Variants in RASAL2 observed in about 807,000 individuals in gnomAD.
RASAL2 encodes the protein RAS protein activator like 2, also known as ras GTPase-activating protein nGAP.
Under a neutral mutation model 128.9 loss-of-function variants are expected in RASAL2, and 58 were observed. The ratio of observed to expected loss-of-function variants is 0.45; its 90% CI spans 0.36 to 0.56. RASAL2 has a LOEUF of 0.56. Among genes scored for constraint, RASAL2 ranks in the 20% least tolerant of loss-of-function variants. The pLI is 0.00. For missense variants in RASAL2, 1,360 were observed against 1,601.6 expected, an observed-to-expected ratio of 0.85 and a Z score of 2.57; for synonymous variants, 561 against 580.8, an observed-to-expected ratio of 0.97 and a Z score of 0.49.
intron 3 of RASAL2, among the ~76,000 whole-genome samples, chr1:178,309,241 T>C (rs536941750): frequency 3.9e-4 from 60 of 152,262 alleles, no homozygotes; most frequent in South Asian, 8.3e-4. Context: ...CTGATTTTCT[T>C]TGAAATTTCC....
chr1:178,318,827 C>G lies in RASAL2; in HGVS notation c.457+18709C>G, dbSNP rs1054735066. Among the ~76,000 whole-genome samples the G allele has an allele frequency of 4.0e-5, 6 of 151,518 alleles. No homozygotes were observed. The East Asian group carries it at 1.2e-3, about 29-fold the overall frequency. On this transcript the variant is annotated intron_variant, in intron 3 of 17. Coordinates refer to ENST00000367649, the MANE Select transcript of RASAL2 (RefSeq NM_170692.4). ...TAATATTGTTATGTGTGAATTTGAT[C>G]CTGTCATTATGATGTTAGCTGGTGA...
intron 3 of RASAL2, among the ~76,000 whole-genome samples, chr1:178,366,776 C>T (rs968096326): frequency 6.6e-6 from 1 of 151,954 alleles, no homozygotes; most frequent in Non-Finnish European, 1.5e-5. Context: ...ATGAAGTACT[C>T]GCTAAAACAT....
intron 4 of RASAL2, among the ~76,000 whole-genome samples, chr1:178,409,919 G>C (rs1674251006): frequency 6.6e-6 from 1 of 152,196 alleles, no homozygotes; most frequent in Admixed American, 6.5e-5. Flanking sequence ...TGAATTTGTT[G>C]TGGTTTCATC....
chr1:178,163,966 G>A (rs1661425565), intron 1 of RASAL2, among the ~76,000 whole-genome samples: 1 of 152,052 alleles, frequency 6.6e-6, no homozygotes, highest in African/African-American at 2.4e-5. Context: ...CAGGATACAA[G>A]TCTTTCACTT....
intron 9 of RASAL2, 41 bp downstream of exon 9, chr1:178,445,703 T>C (rs747754561): frequency 1.7e-5 from 27 of 1,565,492 alleles, no homozygotes; most frequent in Admixed American, 3.7e-5. Context: ...TATTTACTTT[T>C]CAGTTTTAAG....
chr1:178,101,985 A>T (rs758379885), intron 1 of RASAL2, among the ~76,000 whole-genome samples: 1 of 152,114 alleles, frequency 6.6e-6, no homozygotes. Flanking sequence ...AAATAATTTC[A>T]TAGTAATCCT....
rs543799929 is a variant in RASAL2 at position 178,103,575 on chromosome 1, AT to A, written c.202+8889del. On this transcript the variant is annotated intron_variant, in intron 1 of 17. Transcript: ENST00000367649. The stretch of plus-strand genomic sequence containing the variant: ...AAGGTAAAAATGGTGTCTTAATTTA[AT>A]TTTTTTTAATATCTTTTACATTAAG... Among the ~76,000 whole-genome samples the A allele has an allele frequency of 2.5e-3, 386 of 151,964 alleles. 2 individuals carry two copies. The highest frequency in any genetic ancestry group is 8.0e-3 in the African/African-American group (333 of 41,460).
chr1:178,159,895 ACT>A (rs1450265188), intron 1 of RASAL2, among the ~76,000 whole-genome samples: 5 of 152,068 alleles, frequency 3.3e-5, no homozygotes, highest in African/African-American at 4.8e-5. Flanking sequence ...ACAGAGCAAG[ACT>A]CTGTCTAAAA....
chr1:178,150,389 T>C (rs1254369266), intron 1 of RASAL2, among the ~76,000 whole-genome samples: 11 of 152,162 alleles, frequency 7.2e-5, no homozygotes, highest in Non-Finnish European at 1.3e-4. Context: ...TTTTGCCATG[T>C]TGGGCAGGCT....
rs765638263 is a variant in RASAL2 at position 178,300,091 on chromosome 1, T to C, written c.430T>C (p.Tyr144His). Reference protein sequence around the residue: ...SVPSEGQFPEYPPEGATKLEV... With the variant: ...SVPSEGQFPEHPPEGATKLEV... Reference sequence around the variant, plus strand: ...CCCTTCCGAGGGTCAGTTTCCCGAGTACCCACCAGAGGGCGCCACTAAACT... The same window carrying C: ...CCCTTCCGAGGGTCAGTTTCCCGAGCACCCACCAGAGGGCGCCACTAAACT... Residue 144 changes from tyrosine (Y) to histidine (H), a missense_variant, in exon 3 of 18, where the codon TAC (tyrosine) becomes CAC (histidine). Tyr to His is a moderately conservative substitution (Grantham distance 83). Transcript: ENST00000367649. The C allele has an allele frequency of 1.2e-6, 2 of 1,613,472 alleles. No homozygotes were observed. Among genetic ancestry groups the C allele is most frequent in the Non-Finnish European group, 1.7e-6 (2 of 1,179,830 alleles).
At chr1:178,389,135 G>A (rs906384101) in intron 3 of RASAL2, 4 of 255,060 alleles carry the variant, frequency 1.6e-5, no homozygotes, top group African/African-American at 2.3e-5. Context: ...GTCAGTCTCC[G>A]GAGTTACGAT....
chr1:178,202,268 A>G (rs1662898976), intron 1 of RASAL2, among the ~76,000 whole-genome samples: 1 of 152,182 alleles, frequency 6.6e-6, no homozygotes, highest in African/African-American at 2.4e-5. Flanking sequence ...TACATGAGGA[A>G]GTGGCTCAAA....
At chr1:178,273,885 C>G (rs574370259) in intron 1 of RASAL2, among the ~76,000 whole-genome samples, 1 of 152,302 alleles carries the variant, frequency 6.6e-6, no homozygotes, top group Non-Finnish European at 1.5e-5. Flanking sequence ...AAAGGTTTTT[C>G]ACTGCTGATA....
At chr1:178,147,471 C>T (rs1660770845) in intron 1 of RASAL2, among the ~76,000 whole-genome samples, 1 of 136,290 alleles carries the variant, frequency 7.3e-6, no homozygotes, top group African/African-American at 3.0e-5. Flanking sequence ...CAGAGTGAGA[C>T]TCCGTCTCAA....
intron 5 of RASAL2, among the ~76,000 whole-genome samples, chr1:178,436,647 G>A (rs1053122281): frequency 1.8e-4 from 28 of 152,112 alleles, no homozygotes; most frequent in African/African-American, 6.5e-4. Flanking sequence ...TGAGATATAG[G>A]AAATAGCTTC....
At chr1:178,137,343 G>A (rs920581924) in intron 1 of RASAL2, among the ~76,000 whole-genome samples, 5 of 152,104 alleles carry the variant, frequency 3.3e-5, no homozygotes, top group Non-Finnish European at 7.3e-5. Context: ...GCTTCTGCTC[G>A]CAGAATTGAA....
At chr1:178,411,096 A>G (rs1195244473) in intron 4 of RASAL2, among the ~76,000 whole-genome samples, 1 of 152,142 alleles carries the variant, frequency 6.6e-6, no homozygotes, top group Non-Finnish European at 1.5e-5. Flanking sequence ...CGCAATTGCA[A>G]AAGTGTGGAA....
At chr1:178,469,749 C>A (rs1242597569) in intron 17 of RASAL2, among the ~76,000 whole-genome samples, 1 of 152,164 alleles carries the variant, frequency 6.6e-6, no homozygotes, top group Non-Finnish European at 1.5e-5. Flanking sequence ...CTTCCACTGA[C>A]CACTCAACAG....
intron 3 of RASAL2, among the ~76,000 whole-genome samples, chr1:178,344,946 C>T (rs1670074120): frequency 6.6e-6 from 1 of 152,142 alleles, no homozygotes; most frequent in African/African-American, 2.4e-5. Context: ...GGTATGATCT[C>T]AGCTTGTGTT....
Sources: gnomAD v4.1 joint callset for allele counts (sites outside exome capture counted in the v4.1 genomes callset) on GRCh38, gnomAD v4.1.1 for gene constraint, MANE v1.5 for transcripts, NCBI Gene and HGNC (gene_info 2026-07-23, HGNC 2026-07-21) for gene names.